DUSP13A: variants seen among roughly 807,000 people sequenced by gnomAD.
DUSP13A encodes the protein dual specificity phosphatase 13A.
the DUSP13A span, among the ~76,000 whole-genome samples, chr10:75,107,839 A>T: frequency 1.3e-5 from 2 of 152,152 alleles, no homozygotes; most frequent in Admixed American, 1.3e-4. Context: ...GGCCTCCCAA[A>T]GTGCTAGGAT....
the DUSP13A span, chr10:75,108,310 C>T: frequency 6.7e-7 from 1 of 1,485,276 alleles, no homozygotes; most frequent in Non-Finnish European, 8.9e-7. Flanking sequence ...CCATTAGGGT[C>T]CAAAGAGAGT....
chr10:75,107,551 C>T, the DUSP13A span, among the ~76,000 whole-genome samples: 56,725 of 151,744 alleles, frequency 0.37, 11,711 homozygotes, highest in East Asian at 0.67. Flanking sequence ...TCGGGTTCGA[C>T]AAAATGCTGG....
the DUSP13A span, chr10:75,105,730 C>T: frequency 3.6e-5 from 56 of 1,554,418 alleles, 1 homozygote; most frequent in South Asian, 2.5e-4. Flanking sequence ...CAGGAAGCCT[C>T]GGTTGGGGAA....
the DUSP13A span, among the ~76,000 whole-genome samples, chr10:75,108,472 C>T: frequency 6.6e-6 from 1 of 152,150 alleles, no homozygotes; most frequent in African/African-American, 2.4e-5. Context: ...TTGGCCAGGA[C>T]AGGAAGGAAG....
At chr10:75,106,700 C>T in the DUSP13A span, among the ~76,000 whole-genome samples, 5 of 152,256 alleles carry the variant, frequency 3.3e-5, no homozygotes, top group Non-Finnish European at 7.3e-5. Context: ...TCCACCAGTT[C>T]CAAGAGGGCA....
At chr10:75,106,138 C>T in the DUSP13A span, among the ~76,000 whole-genome samples, 5 of 139,558 alleles carry the variant, frequency 3.6e-5, no homozygotes, top group South Asian at 1.1e-3. Flanking sequence ...GACAAAGTCT[C>T]ACTATGTTGC....
At chr10:75,106,111 T>C in the DUSP13A span, among the ~76,000 whole-genome samples, 511 of 150,612 alleles carry the variant, frequency 3.4e-3, no homozygotes, top group Middle Eastern at 6.9e-3. Flanking sequence ...CTTTTTTTTT[T>C]TTTTTTTTTT....
the DUSP13A span, chr10:75,105,990 CACTCAGCCTT>C: frequency 1.5e-4 from 136 of 887,190 alleles, no homozygotes; most frequent in African/African-American, 2.1e-3. Flanking sequence ...CTGAGCAAGT[CACTCAGCCTT>C]TATGGACCTC....
the DUSP13A span, among the ~76,000 whole-genome samples, chr10:75,108,767 T>A: frequency 6.6e-6 from 1 of 152,130 alleles, no homozygotes; most frequent in East Asian, 1.9e-4. Flanking sequence ...CTGGAAATGT[T>A]TCCTGGAACT....
chr10:75,106,499 C>T, the DUSP13A span, among the ~76,000 whole-genome samples: 1 of 152,166 alleles, frequency 6.6e-6, no homozygotes, highest in African/African-American at 2.4e-5. Flanking sequence ...CTTGACCGCT[C>T]AAAGTATTGC....
At chr10:75,107,626 G>A in the DUSP13A span, among the ~76,000 whole-genome samples, 2 of 152,120 alleles carry the variant, frequency 1.3e-5, no homozygotes, top group Non-Finnish European at 2.9e-5. Context: ...GCCCAGGCTA[G>A]AGTGAAGTGG....
the DUSP13A span, chr10:75,108,185 C>T: frequency 6.2e-7 from 1 of 1,608,422 alleles, no homozygotes; most frequent in African/African-American, 1.3e-5. Flanking sequence ...GCTTCCACAG[C>T]TCAAAGCGGT....
At chr10:75,108,384 T>C in the DUSP13A span, 1 of 1,243,582 alleles carries the variant, frequency 8.0e-7, no homozygotes, top group Non-Finnish European at 1.1e-6. Context: ...CCCCGCACTT[T>C]CTGGTGGCTG....
the DUSP13A span, chr10:75,109,091 C>T: frequency 6.2e-7 from 1 of 1,612,344 alleles, no homozygotes; most frequent in East Asian, 2.2e-5. Flanking sequence ...TCCTCCAGCT[C>T]CAGGATGCTG....
chr10:75,108,859 A>AC, the DUSP13A span: 1 of 1,032,588 alleles, frequency 9.7e-7, no homozygotes, highest in Non-Finnish European at 1.3e-6. Flanking sequence ...TGACCTCAGC[A>AC]CCCCCGGGGG....
chr10:75,109,125 T>C, the DUSP13A span: 3 of 1,605,272 alleles, frequency 1.9e-6, no homozygotes, highest in East Asian at 4.5e-5. Flanking sequence ...CTTTGTCCTC[T>C]CCCCCCAGCT....
At chr10:75,105,908 C>A in the DUSP13A span, 5 of 1,530,646 alleles carry the variant, frequency 3.3e-6, no homozygotes, top group Non-Finnish European at 4.4e-6. Context: ...GTCCCACACA[C>A]CGGCCCACCC....
the DUSP13A span, among the ~76,000 whole-genome samples, chr10:75,108,835 C>A: frequency 6.6e-6 from 1 of 152,210 alleles, no homozygotes; most frequent in Non-Finnish European, 1.5e-5. Context: ...GGTGGCCATA[C>A]CTGGTCACTG....
the DUSP13A span, chr10:75,107,956 G>T: frequency 1.2e-4 from 187 of 1,579,552 alleles, 1 homozygote; most frequent in East Asian, 4.3e-3. Context: ...CCATGAATGA[G>T]CAAGATGGGA....
Sources: allele counts gnomAD v4.1 joint callset (sites outside exome capture counted in the v4.1 genomes callset), GRCh38; gene constraint gnomAD v4.1.1; transcripts MANE v1.5; gene names NCBI Gene and HGNC (gene_info 2026-07-23, HGNC 2026-07-21).